SLC8A1: variants seen among roughly 807,000 people sequenced by gnomAD.
The protein encoded by SLC8A1 is sodium/calcium exchanger 1.
In SLC8A1, 18 loss-of-function variants were observed where a neutral mutation model predicts 68.3. That is an observed-to-expected ratio of 0.26 (90% CI 0.18 to 0.39). The LOEUF (loss-of-function observed/expected upper bound fraction) is 0.39, where lower values mean the gene tolerates loss of function less well. SLC8A1 is among the 10% of genes least tolerant of loss of function. The probability of loss-of-function intolerance (pLI) is 1.00; values close to 1 mark genes in which losing one functional copy is unlikely to be tolerated. For missense variants in SLC8A1, 985 were observed against 1,156.7 expected (o/e 0.85, Z 2.15); for synonymous variants, 475 against 415.5 (o/e 1.14, Z -1.74).
At chr2:40,422,222 C>T (rs1303373388) in intron 2 of SLC8A1, among the ~76,000 whole-genome samples, 2 of 152,186 alleles carry the variant, frequency 1.3e-5, no homozygotes, top group Non-Finnish European at 2.9e-5. Context: ...TTCTGAGTTT[C>T]ATGGCATTTA....
intron 2 of SLC8A1, among the ~76,000 whole-genome samples, chr2:40,389,759 T>A (rs1684697612): frequency 6.6e-6 from 1 of 151,436 alleles, no homozygotes; most frequent in African/African-American, 2.4e-5. Context: ...TATGAGAAAT[T>A]GTTTTCAGAT....
At chr2:40,389,657 G>A (rs4952616) in intron 2 of SLC8A1, among the ~76,000 whole-genome samples, 3 of 151,870 alleles carry the variant, frequency 2.0e-5, no homozygotes, top group South Asian at 4.2e-4. Flanking sequence ...CCATGTTACT[G>A]CCTTTCCAAT....
rs771603012 is a variant in SLC8A1 at position 40,164,843 on chromosome 2, G to A, written c.2061+11C>T. The A allele has an allele frequency of 3.1e-6, 5 of 1,613,398 alleles. No individual in the cohort carries two copies. The South Asian group carries it at 4.4e-5, about 14-fold the overall frequency. On this transcript the variant is annotated intron_variant, in intron 5 of 7. Coordinates refer to ENST00000406785, the Ensembl canonical transcript of SLC8A1. ...AGACTGGCTCCTGGTGGGCAGTGTT[G>A]GTGAGCATACCTTGAATTCATAGGA...
Position 40,487,143 on chromosome 2 carries a change from A to G in SLC8A1, c.-25+25206T>C, listed in dbSNP as rs533129735. Among the ~76,000 whole-genome samples, 3 of 152,184 alleles carry G rather than the reference A, an allele frequency of 2.0e-5. No individual in the cohort carries two copies. The South Asian group carries it at 6.2e-4, about 32-fold the overall frequency. On this transcript the variant is annotated intron_variant, in intron 1 of 7. Transcript: ENST00000402441. Reference sequence around the variant, plus strand: ...ACTTCATTTTTCAATTATTCAGTCTATAATATGTATGTATAGGAAATGTGC... The same window carrying G: ...ACTTCATTTTTCAATTATTCAGTCTGTAATATGTATGTATAGGAAATGTGC...
chr2:40,485,673 A>G (rs940055722), intron 1 of SLC8A1, among the ~76,000 whole-genome samples: 3 of 152,118 alleles, frequency 2.0e-5, no homozygotes, highest in African/African-American at 7.2e-5. Flanking sequence ...ACTCTTAAAT[A>G]TTTTATTCAT....
intron 1 of SLC8A1, among the ~76,000 whole-genome samples, chr2:40,437,256 G>T (rs1341263817): frequency 6.6e-6 from 1 of 152,134 alleles, no homozygotes; most frequent in Non-Finnish European, 1.5e-5. Flanking sequence ...GAGAGCTCAA[G>T]ATTTAGGTAC....
At chr2:40,230,482 G>A (rs916029218) in intron 2 of SLC8A1, among the ~76,000 whole-genome samples, 7 of 152,058 alleles carry the variant, frequency 4.6e-5, no homozygotes, top group African/African-American at 9.7e-5. Flanking sequence ...GATCCACAAG[G>A]TAAAACAAAA....
At chr2:40,269,977 G>A (rs368613576) in intron 2 of SLC8A1, among the ~76,000 whole-genome samples, 58 of 152,262 alleles carry the variant, frequency 3.8e-4, no homozygotes, top group Non-Finnish European at 7.1e-4. Flanking sequence ...TGGTATGTCT[G>A]AGATCCTGAT....
At chr2:40,131,601 C>T (rs142390525) in intron 7 of SLC8A1, among the ~76,000 whole-genome samples, 1 of 152,278 alleles carries the variant, frequency 6.6e-6, no homozygotes, top group East Asian at 1.9e-4. Flanking sequence ...ATATTAACCT[C>T]TATGGTTCCC....
At chr2:40,160,279 A>G (rs1192868809) in intron 6 of SLC8A1, among the ~76,000 whole-genome samples, 1 of 152,178 alleles carries the variant, frequency 6.6e-6, no homozygotes, top group East Asian at 1.9e-4. Flanking sequence ...ACAGAATGTA[A>G]TTCTATTTCT....
intron 2 of SLC8A1, among the ~76,000 whole-genome samples, chr2:40,391,195 C>CACACACGTATATATAT (rs1257896020): frequency 6.6e-6 from 1 of 151,076 alleles, no homozygotes; most frequent in Non-Finnish European, 1.5e-5. Context: ...ATATATTACA[C>CACACACGTATATATAT]ACACACATAT....
In SLC8A1 at chr2:40,410,243, A is replaced by C. The variant is rs138272548; in HGVS notation, c.1808+18230T>G. Among the ~76,000 whole-genome samples the C allele has an allele frequency of 2.7e-3, 408 of 152,236 alleles. 2 individuals are homozygous for C. Among genetic ancestry groups the C allele is most frequent in the African/African-American group, 9.6e-3 (401 of 41,568 alleles). The stretch of plus-strand genomic sequence containing the variant: ...AGGATGTAATGAAAAAAATCAGGCC[A>C]TCAGAACAATAAATTATCCTGACTT... On this transcript the variant is annotated intron_variant, in intron 2 of 7. Transcript: ENST00000406785.
intron 2 of SLC8A1, among the ~76,000 whole-genome samples, chr2:40,333,304 G>A (rs1008550084): frequency 1.3e-5 from 2 of 152,002 alleles, no homozygotes. Flanking sequence ...CAGGTGTGGT[G>A]GCATGTGCCT....
chr2:40,230,994 G>A (rs1365817814), intron 2 of SLC8A1, among the ~76,000 whole-genome samples: 1 of 152,162 alleles, frequency 6.6e-6, no homozygotes, highest in African/African-American at 2.4e-5. Context: ...CAAACCGAGT[G>A]GTAAGTTGGA....
At chr2:40,205,034 A>T (rs2055128809) in intron 2 of SLC8A1, among the ~76,000 whole-genome samples, 1 of 151,992 alleles carries the variant, frequency 6.6e-6, no homozygotes, top group Admixed American at 6.6e-5. Flanking sequence ...CGTGCATATC[A>T]GCTGGGCATA....
chr2:40,313,565 G>C (rs1262586157), intron 2 of SLC8A1, among the ~76,000 whole-genome samples: 2 of 151,826 alleles, frequency 1.3e-5, no homozygotes, highest in Non-Finnish European at 2.9e-5. Flanking sequence ...TAAATATTTG[G>C]TGTGGTCAAT....
intron 1 of SLC8A1, among the ~76,000 whole-genome samples, chr2:40,493,734 A>C (rs1705490645): frequency 6.7e-6 from 1 of 150,104 alleles, no homozygotes. Context: ...AACTCACTGC[A>C]ACCTCTGCCT....
At chr2:40,416,221 T>C (rs1243559799) in intron 2 of SLC8A1, among the ~76,000 whole-genome samples, 6 of 152,158 alleles carry the variant, frequency 3.9e-5, no homozygotes, top group Non-Finnish European at 8.8e-5. Flanking sequence ...CAATAAGTTA[T>C]ATTGTTATCC....
chr2:40,487,926 T>C (rs1292395120), intron 1 of SLC8A1, among the ~76,000 whole-genome samples: 3 of 152,166 alleles, frequency 2.0e-5, no homozygotes, highest in African/African-American at 7.2e-5. Flanking sequence ...TAATCTCTGA[T>C]ACCACTTCAT....
Sources: gnomAD v4.1 joint callset for allele counts (sites outside exome capture counted in the v4.1 genomes callset) on GRCh38, gnomAD v4.1.1 for gene constraint, MANE v1.5 for transcripts, NCBI Gene and HGNC (gene_info 2026-07-23, HGNC 2026-07-21) for gene names.